SYK: variants seen among roughly 807,000 people sequenced by gnomAD.
The protein encoded by SYK is tyrosine-protein kinase SYK.
SYK carries 16 observed loss-of-function variants against 77.8 expected under a neutral mutation model. The observed-to-expected ratio is 0.21, with a 90% confidence interval of 0.14 to 0.31. The LOEUF is 0.31. SYK is among the 10% of genes least tolerant of loss of function. SYK has a pLI of 1.00. For synonymous variants in SYK, 312 were observed against 308.7 expected (o/e 1.01, Z -0.11); for missense variants, 529 against 814.4 (o/e 0.65, Z 4.26).
intron 2 of SYK, 123 bp from the exon 3 acceptor site, chr9:90,845,311 A>G: frequency 1.0e-6 from 1 of 974,566 alleles, no homozygotes; most frequent in East Asian, 2.5e-5. Context: ...TACTGAATGA[A>G]TGAGTGAATA....
intron 1 of SYK, among the ~76,000 whole-genome samples, chr9:90,827,931 G>A (rs1037073587): frequency 6.6e-6 from 1 of 152,040 alleles, no homozygotes; most frequent in Non-Finnish European, 1.5e-5. Context: ...TTGCAGTCCT[G>A]AGTCACCCAC....
chr9:90,839,792 G>A (rs1157469483), intron 1 of SYK, among the ~76,000 whole-genome samples: 3 of 152,160 alleles, frequency 2.0e-5, no homozygotes, highest in Non-Finnish European at 4.4e-5. Context: ...GGTACACAGT[G>A]ACAGGGGTAT....
chr9:90,896,880 A>T lies in SYK; in HGVS notation c.*1280A>T, dbSNP rs192259837. 28 of 197,894 alleles carry T rather than the reference A, an allele frequency of 1.4e-4. No homozygotes were observed. The South Asian group carries it at 1.9e-3, about 14-fold the overall frequency. The allele number at this position is 197,894 out of a possible 1,614,324, so 12.3% of individuals were successfully genotyped here. A position where few individuals can be genotyped will look rare whatever the true frequency, so the allele number is the denominator to read the frequency against. ...CATCTCTACTAAAAATACAAAAATT[A>T]GCCGGGCATGGTGGCATGTGTCTGT... On this transcript the variant is annotated 3_prime_UTR_variant, in exon 14 of 14. Coordinates refer to ENST00000375754, the MANE Select transcript of SYK (RefSeq NM_003177.7).
rs943485291 is a variant in SYK, at chr9:90,809,872, G to A, written c.-42+7979G>A. Among the ~76,000 whole-genome samples the A allele has an allele frequency of 2.0e-5, 3 of 152,048 alleles. No individual in the cohort carries two copies. The East Asian group carries it at 5.8e-4, about 30-fold the overall frequency. Reference sequence around the variant, plus strand: ...TGTCGTGAGGGTTGGGAGTGGACAGGTGTGGACAGATCTCAGACCCGTTTC... The same window carrying A: ...TGTCGTGAGGGTTGGGAGTGGACAGATGTGGACAGATCTCAGACCCGTTTC... On this transcript the variant is annotated intron_variant, in intron 1 of 13. Coordinates refer to ENST00000375754, the MANE Select transcript of SYK (RefSeq NM_003177.7).
intron 13 of SYK, among the ~76,000 whole-genome samples, chr9:90,893,036 C>T (rs775584891): frequency 5.3e-5 from 8 of 152,224 alleles, no homozygotes; most frequent in African/African-American, 1.2e-4. Flanking sequence ...TGGCCACTGC[C>T]GGAGCTCCTG....
chr9:90,807,064 A>G (rs926716995), intron 1 of SYK, among the ~76,000 whole-genome samples: 7 of 152,252 alleles, frequency 4.6e-5, no homozygotes, highest in Non-Finnish European at 5.9e-5. Context: ...AAAGTGCAGC[A>G]AGCAGGGATA....
chr9:90,826,096 G>A (rs1238947817), intron 1 of SYK, among the ~76,000 whole-genome samples: 1 of 152,202 alleles, frequency 6.6e-6, no homozygotes, highest in African/African-American at 2.4e-5. Flanking sequence ...GAACAAGAAG[G>A]AGCTCCAAGT....
At chr9:90,873,667 C>T (rs773745998) in intron 7 of SYK, among the ~76,000 whole-genome samples, 1 of 152,170 alleles carries the variant, frequency 6.6e-6, no homozygotes, top group Non-Finnish European at 1.5e-5. Flanking sequence ...CTCTGCCATC[C>T]ACCCCAATGC....
intron 1 of SYK, among the ~76,000 whole-genome samples, chr9:90,837,176 C>CA (rs1048517988): frequency 2.0e-5 from 3 of 152,010 alleles, no homozygotes; most frequent in African/African-American, 7.3e-5. Context: ...TCAGCATCCC[C>CA]ACATTGTTCA....
At chr9:90,894,958 C>T (rs1249960884) in intron 13 of SYK, among the ~76,000 whole-genome samples, 1 of 152,186 alleles carries the variant, frequency 6.6e-6, no homozygotes, top group Non-Finnish European at 1.5e-5. Flanking sequence ...TTTGCTCCTG[C>T]CATGACATGT....
At chr9:90,834,401 T>A (rs532275572) in intron 1 of SYK, among the ~76,000 whole-genome samples, 6 of 152,276 alleles carry the variant, frequency 3.9e-5, no homozygotes, top group East Asian at 3.9e-4. Context: ...TATACTGTCA[T>A]CCCCTTTCAC....
chr9:90,887,608 G>T, intron 11 of SYK, 141 bp from the exon 12 acceptor site: 1 of 909,150 alleles, frequency 1.1e-6, no homozygotes, highest in Non-Finnish European at 1.6e-6. Context: ...GTTTCCTCTT[G>T]GCCAGGCTGG....
intron 11 of SYK, among the ~76,000 whole-genome samples, chr9:90,886,241 A>G (rs1023286423): frequency 6.6e-6 from 1 of 152,244 alleles, no homozygotes; most frequent in African/African-American, 2.4e-5. Flanking sequence ...GGGAAATGCA[A>G]ATTACAAACA....
intron 1 of SYK, among the ~76,000 whole-genome samples, chr9:90,823,383 TG>T (rs1825579923): frequency 6.6e-6 from 1 of 152,244 alleles, no homozygotes; most frequent in Non-Finnish European, 1.5e-5. Context: ...TAAGCAGTAC[TG>T]TCACTCAACT....
intron 7 of SYK, among the ~76,000 whole-genome samples, chr9:90,867,629 G>A (rs573709538): frequency 5.3e-5 from 8 of 152,270 alleles, no homozygotes; most frequent in South Asian, 4.1e-4. Flanking sequence ...TTTGTGAGGC[G>A]CGCTGCACAG....
At chr9:90,835,770 T>C (rs999857485) in intron 1 of SYK, among the ~76,000 whole-genome samples, 2 of 152,188 alleles carry the variant, frequency 1.3e-5, no homozygotes, top group Admixed American at 6.5e-5. Context: ...GTTGCCAGGG[T>C]TCTCTGATTC....
chr9:90,838,217 T>C (rs1345180181), intron 1 of SYK, among the ~76,000 whole-genome samples: 1 of 152,218 alleles, frequency 6.6e-6, no homozygotes, highest in African/African-American at 2.4e-5. Context: ...ACAAATATTT[T>C]TGATGACTTA....
chr9:90,816,571 GATATT>G (rs1825300154), intron 1 of SYK, among the ~76,000 whole-genome samples: 1 of 152,162 alleles, frequency 6.6e-6, no homozygotes, highest in Non-Finnish European at 1.5e-5. Flanking sequence ...GGTACACAGT[GATATT>G]ATATCTGTAC....
chr9:90,828,252 G>A (rs959688266), intron 1 of SYK, among the ~76,000 whole-genome samples: 8 of 44,124 alleles, frequency 1.8e-4, no homozygotes, highest in Admixed American at 4.0e-4. Context: ...CCCCCGCCCC[G>A]CCCAGGCCTT....
Sources: gnomAD v4.1 joint callset for allele counts (sites outside exome capture counted in the v4.1 genomes callset) on GRCh38, gnomAD v4.1.1 for gene constraint, MANE v1.5 for transcripts, NCBI Gene and HGNC (gene_info 2026-07-23, HGNC 2026-07-21) for gene names.